The following NEMP2 variants were observed in gnomAD, a reference collection of about 807,000 sequenced individuals.
NEMP2 encodes the protein nuclear envelope integral membrane protein 2.
A neutral mutation model predicts 54.2 loss-of-function variants in NEMP2; 53 were observed. The ratio of observed to expected loss-of-function variants is 0.98; its 90% confidence interval spans 0.78 to 1.23. The LOEUF (loss-of-function observed/expected upper bound fraction) is 1.23. NEMP2 is among the 50% of genes most tolerant of loss of function. The probability of loss-of-function intolerance (pLI) is 0.00; values close to 1 mark genes in which losing one functional copy is unlikely to be tolerated. For synonymous variants in NEMP2, 197 were observed against 190.3 expected, an observed-to-expected ratio of 1.04 and a Z score of -0.29; for missense variants, 455 against 511.3, an observed-to-expected ratio of 0.89 and a Z score of 1.06.
rs1690456848 is a variant in NEMP2 at position 190,513,825 on chromosome 2, G to C, written c.953+628C>G. Among the ~76,000 whole-genome samples, 1 of 152,166 alleles carries C rather than the reference G, an allele frequency of 6.6e-6. No homozygotes were observed. Among genetic ancestry groups the C allele is most frequent in the Non-Finnish European group, 1.5e-5 (1 of 68,030 alleles). ...AGTCTCCATTTTAATACTTAAAAGA[G>C]ATAGAAATGTATGCCTATGTCTAGC... On this transcript the variant is annotated intron_variant, in intron 7 of 8. Transcript: ENST00000409150. This position sits in a 1 kb window ranked among gnomAD's most constrained non-coding sequence, Gnocchi z 5.3.
At chr2:190,599,277 TGTG>T in the NEMP2 span, among the ~76,000 whole-genome samples, 3 of 152,192 alleles carry the variant, frequency 2.0e-5, no homozygotes, top group East Asian at 1.9e-4. Flanking sequence ...GACTCAAAGA[TGTG>T]GTGAGAATTC....
the NEMP2 span, among the ~76,000 whole-genome samples, chr2:190,583,785 C>A: frequency 3.9e-5 from 6 of 152,324 alleles, no homozygotes; most frequent in African/African-American, 1.4e-4. Context: ...CTAATGGGTG[C>A]CATGGGACAT....
At chr2:190,581,693 A>G in the NEMP2 span, among the ~76,000 whole-genome samples, 1 of 152,336 alleles carries the variant, frequency 6.6e-6, no homozygotes, top group East Asian at 1.9e-4. Context: ...CCAAAAAATG[A>G]TATGTTGAGA....
the NEMP2 span, among the ~76,000 whole-genome samples, chr2:190,478,355 G>T: frequency 6.6e-6 from 1 of 152,174 alleles, no homozygotes; most frequent in African/African-American, 2.4e-5. Flanking sequence ...CCTGGCAGAA[G>T]TGAGTGCTGA....
At chr2:190,571,400 A>G in the NEMP2 span, among the ~76,000 whole-genome samples, 3 of 151,956 alleles carry the variant, frequency 2.0e-5, no homozygotes, top group Non-Finnish European at 4.4e-5. Context: ...AAAATTAGCC[A>G]GGCGTGGTGG....
the NEMP2 span, among the ~76,000 whole-genome samples, chr2:190,554,205 G>A: frequency 7.2e-5 from 11 of 152,306 alleles, no homozygotes; most frequent in African/African-American, 2.4e-4. This position sits in a 1 kb window ranked among gnomAD's most constrained non-coding sequence, Gnocchi z 5.7. Context: ...AGGGCCCTGG[G>A]TTTCCAGCAC....
rs1260535904 is a variant in NEMP2 at position 190,508,298 on chromosome 2, T to C, written c.*891A>G. On this transcript the variant is annotated 3_prime_UTR_variant, in exon 9 of 9. Coordinates refer to ENST00000409150, the MANE Select transcript of NEMP2 (RefSeq NM_001142645.2). This position sits in a 1 kb window ranked among gnomAD's most constrained non-coding sequence, Gnocchi z 4.3. ...CCCTTTATCACAGTTAAATAGCAAGTTGGCCATTATTGAAAAATAAAAAGT... is the reference window on the plus strand; with the variant it reads ...CCCTTTATCACAGTTAAATAGCAAGCTGGCCATTATTGAAAAATAAAAAGT... The C allele has an allele frequency of 3.9e-5, 6 of 152,236 alleles. No individual in the cohort carries two copies. The highest frequency in any genetic ancestry group is 1.2e-4 in the African/African-American group (5 of 41,462). The allele number at this position is 152,236 out of a possible 1,614,324, so 9.4% of individuals were successfully genotyped here.
chr2:190,444,631 A>G, the NEMP2 span, among the ~76,000 whole-genome samples: 2 of 152,190 alleles, frequency 1.3e-5, no homozygotes, highest in Non-Finnish European at 2.9e-5. Flanking sequence ...TTCATTTATT[A>G]TATAAAAACC....
the NEMP2 span, among the ~76,000 whole-genome samples, chr2:190,458,402 T>C: frequency 3.7e-3 from 556 of 152,250 alleles, no homozygotes; most frequent in Non-Finnish European, 6.1e-3. The surrounding 1 kb of genome is among the most constrained non-coding windows in gnomAD (Gnocchi z 5.3). Context: ...GAGGATGACT[T>C]GTCTGCAAGC....
chr2:190,496,802 A>G, the NEMP2 span, among the ~76,000 whole-genome samples: 1 of 152,220 alleles, frequency 6.6e-6, no homozygotes, highest in African/African-American at 2.4e-5. This position sits in a 1 kb window ranked among gnomAD's most constrained non-coding sequence, Gnocchi z 4.7. Flanking sequence ...AAGTGAAGCA[A>G]CTCAAGAATG....
chr2:190,422,089 C>G, the NEMP2 span, among the ~76,000 whole-genome samples: 3 of 152,142 alleles, frequency 2.0e-5, no homozygotes, highest in Non-Finnish European at 4.4e-5. Flanking sequence ...ATGTAGTAAA[C>G]TGCATTTTTT....
the NEMP2 span, among the ~76,000 whole-genome samples, chr2:190,639,822 G>GTAT: frequency 1.8e-4 from 27 of 151,988 alleles, no homozygotes; most frequent in South Asian, 5.4e-3. Context: ...CTAATTTTTT[G>GTAT]TATTTTTAGT....
At position 190,508,222 on chromosome 2, in the gene NEMP2, T is replaced by C. The variant is rs1391638317; in HGVS notation, c.*967A>G. 1.3e-5 allele frequency: 2 copies of C among 152,216 alleles called. No individual in the cohort carries two copies. The highest frequency in any genetic ancestry group is 2.4e-5 in the African/African-American group (1 of 41,458). The allele number at this position is 152,216 out of a possible 1,614,324, so 9.4% of individuals were successfully genotyped here. A position where few individuals can be genotyped will look rare whatever the true frequency, so the allele number is the denominator to read the frequency against. ...AGTATCTAATCCTTACGTATGTATA[T>C]AAAAATCTTACGTATGTATAAAAAA... On this transcript the variant is annotated 3_prime_UTR_variant, in exon 9 of 9. Coordinates refer to ENST00000409150, the MANE Select transcript of NEMP2 (RefSeq NM_001142645.2). The surrounding 1 kb of genome is among the most constrained non-coding windows in gnomAD (Gnocchi z 4.3).
chr2:190,428,428 G>A, the NEMP2 span, among the ~76,000 whole-genome samples: 3 of 152,156 alleles, frequency 2.0e-5, no homozygotes, highest in Non-Finnish European at 4.4e-5. Flanking sequence ...CAATCTATGA[G>A]AGTTCTAGTT....
At chr2:190,526,215 A>G (rs1475123430) in intron 1 of NEMP2, among the ~76,000 whole-genome samples, 1 of 152,212 alleles carries the variant, frequency 6.6e-6, no homozygotes, top group Admixed American at 6.5e-5. Context: ...AGTCACTGCC[A>G]GGACTCCCGT....
the NEMP2 span, chr2:190,477,503 G>A: frequency 3.7e-6 from 1 of 271,638 alleles, no homozygotes; most frequent in Non-Finnish European, 5.6e-6. Context: ...CAAGAAAAGA[G>A]AACATCCATG....
chr2:190,481,184 A>G, the NEMP2 span, among the ~76,000 whole-genome samples: 1 of 152,210 alleles, frequency 6.6e-6, no homozygotes, highest in African/African-American at 2.4e-5. Flanking sequence ...TTTGGGTGGT[A>G]GTCTCCTAAA....
intron 2 of NEMP2, among the ~76,000 whole-genome samples, chr2:190,524,517 A>G (rs1034274441): frequency 6.6e-6 from 1 of 152,172 alleles, no homozygotes. Flanking sequence ...CTATTCTCTC[A>G]GCCTAGAACA....
At chr2:190,455,678 A>G in the NEMP2 span, among the ~76,000 whole-genome samples, 1 of 152,096 alleles carries the variant, frequency 6.6e-6, no homozygotes, top group Non-Finnish European at 1.5e-5. Context: ...ATTGGAGAAC[A>G]TTATAGAATT....
Sources: gnomAD v4.1 joint callset for allele counts (sites outside exome capture counted in the v4.1 genomes callset) on GRCh38, gnomAD v4.1.1 for gene constraint, Gnocchi (gnomAD v3.1) non-coding constraint, MANE v1.5 for transcripts, NCBI Gene and HGNC (gene_info 2026-07-23, HGNC 2026-07-21) for gene names.